Variants in CYP2C19 observed in about 807,000 individuals in gnomAD.
The protein encoded by CYP2C19 is cytochrome P450 family 2 subfamily C member 19, also known as cytochrome P450 2C19.
Under a neutral mutation model 40.9 loss-of-function variants are expected in CYP2C19, and 59 were observed. The observed-to-expected ratio is 1.44, with a 90% CI of 1.17 to 1.79. CYP2C19 has a LOEUF of 1.79. Among genes scored for constraint, CYP2C19 ranks in the 40% most tolerant of loss-of-function variants. The probability of loss-of-function intolerance (pLI) is 0.00; values close to 1 mark genes in which losing one functional copy is unlikely to be tolerated. For missense variants in CYP2C19, 754 were observed against 596.9 expected (o/e 1.26, Z -2.74); for synonymous variants, 253 against 208.7 (o/e 1.21, Z -1.83).
At chr10:94,835,642 G>A (rs572607531) in intron 6 of CYP2C19, among the ~76,000 whole-genome samples, 7 of 151,868 alleles carry the variant, frequency 4.6e-5, no homozygotes, top group Non-Finnish European at 8.8e-5. Context: ...TTAGGTTTCT[G>A]TACAGCCAAT....
intron 7 of CYP2C19, among the ~76,000 whole-genome samples, chr10:94,843,542 C>A (rs1413589651): frequency 6.6e-6 from 1 of 152,148 alleles, no homozygotes; most frequent in Non-Finnish European, 1.5e-5. Context: ...TATAAACTTA[C>A]AAAATGCCTT....
chr10:94,846,782 C>A (rs1377278547), intron 7 of CYP2C19, among the ~76,000 whole-genome samples: 1 of 151,320 alleles, frequency 6.6e-6, no homozygotes, highest in Non-Finnish European at 1.5e-5. Context: ...TGGTGTGCTG[C>A]ACCCATTAAC....
Position 94,855,298 on chromosome 10 carries a change from C to T in CYP2C19, c.*2384C>T, listed in dbSNP as rs888772371. On this transcript the variant is annotated 3_prime_UTR_variant, in exon 9 of 9. Transcript: ENST00000371321. ...ACAACCAAACAATTGCACTGATGAT[C>T]TGTTAAGCATCTTGTTCAAGGTCAC... Among the ~76,000 whole-genome samples the T allele has an allele frequency of 6.6e-6, 1 of 152,212 alleles. No homozygotes were observed. Among genetic ancestry groups the T allele is most frequent in the African/African-American group, 2.4e-5 (1 of 41,444 alleles).
chr10:94,843,123 A>G (rs1849521563), intron 7 of CYP2C19, 99 bp downstream of exon 7: 5 of 1,431,006 alleles, frequency 3.5e-6, no homozygotes, highest in Admixed American at 3.4e-5. Context: ...AGAGAAGTGC[A>G]TTACTCCTAT....
intron 6 of CYP2C19, among the ~76,000 whole-genome samples, chr10:94,827,950 C>T (rs1454734894): frequency 2.6e-5 from 4 of 151,816 alleles, no homozygotes; most frequent in Non-Finnish European, 2.9e-5. Flanking sequence ...GCAGGTTGTT[C>T]AGTTTCCATG....
At chr10:94,839,886 GTT>G (rs1849465654) in intron 6 of CYP2C19, among the ~76,000 whole-genome samples, 1 of 152,198 alleles carries the variant, frequency 6.6e-6, no homozygotes, top group South Asian at 2.1e-4. Flanking sequence ...AATCTGCTGG[GTT>G]AAGGGAATTA....
At chr10:94,833,252 C>G (rs906239100) in intron 6 of CYP2C19, among the ~76,000 whole-genome samples, 4 of 152,220 alleles carry the variant, frequency 2.6e-5, no homozygotes, top group Admixed American at 6.5e-5. Context: ...GCCTTTATAT[C>G]TTTCTCTTGC....
At chr10:94,796,719 T>C (rs1848693867) in intron 5 of CYP2C19, among the ~76,000 whole-genome samples, 1 of 152,188 alleles carries the variant, frequency 6.6e-6, no homozygotes, top group Non-Finnish European at 1.5e-5. Flanking sequence ...ACATCACTCC[T>C]AAGTTGGATT....
intron 5 of CYP2C19, among the ~76,000 whole-genome samples, chr10:94,815,319 T>C (rs1368754143): frequency 6.6e-6 from 1 of 152,226 alleles, no homozygotes; most frequent in Non-Finnish European, 1.5e-5. Context: ...ACACAATGTT[T>C]AACATGACAC....
chr10:94,845,416 C>A (rs1045669538), intron 7 of CYP2C19, among the ~76,000 whole-genome samples: 4 of 152,128 alleles, frequency 2.6e-5, no homozygotes, highest in African/African-American at 9.7e-5. Context: ...ACATACTATA[C>A]AAAAACAGGT....
In CYP2C19 at chr10:94,778,037, G is replaced by A. The variant is rs1848433703; in HGVS notation, c.482-2462G>A. 1.3e-5 allele frequency among the ~76,000 whole-genome samples: 2 copies of A among 152,160 alleles called. 1 individual carries two copies. On this transcript the variant is annotated intron_variant, in intron 3 of 8. Coordinates refer to ENST00000371321, the MANE Select transcript of CYP2C19 (RefSeq NM_000769.4). Reference sequence around the variant, plus strand: ...GGATGAAATGAGTACTCATATACAGGTATGAGGTGTAAGAGCAGCTAGGGG... The same window carrying A: ...GGATGAAATGAGTACTCATATACAGATATGAGGTGTAAGAGCAGCTAGGGG...
chr10:94,769,854 A>G (rs1033050474), intron 1 of CYP2C19, among the ~76,000 whole-genome samples: 9 of 152,072 alleles, frequency 5.9e-5, no homozygotes, highest in African/African-American at 1.4e-4. Context: ...GGGACAACAA[A>G]TGGGTAACTT....
chr10:94,809,969 C>T (rs1159940218), intron 5 of CYP2C19, among the ~76,000 whole-genome samples: 3 of 152,116 alleles, frequency 2.0e-5, no homozygotes, highest in Non-Finnish European at 4.4e-5. Flanking sequence ...GCAACTTCTG[C>T]CTTTCAGATT....
Position 94,842,968 on chromosome 10 carries a change from A to G in CYP2C19, c.1093A>G (p.Ser365Gly). 6.2e-7 allele frequency: 1 copy of G among 1,614,230 alleles called. No homozygotes were observed. The highest frequency in any genetic ancestry group is 1.1e-5 in the South Asian group (1 of 91,090). Reference protein sequence around the residue: ...VQRYIDLIPTSLPHAVTCDVK... With the variant: ...VQRYIDLIPTGLPHAVTCDVK... ...GAGATACATCGACCTCATCCCCACC[A>G]GCCTGCCCCATGCAGTGACCTGTGA... Residue 365 changes from serine to glycine, a missense_variant, in exon 7 of 9, where the codon AGC (serine) becomes GGC (glycine). Physicochemically the swap from Ser to Gly is moderately conservative, Grantham distance 56 (BLOSUM62 0). Transcript: ENST00000371321.
At chr10:94,773,511 G>A (rs926104889) in intron 1 of CYP2C19, among the ~76,000 whole-genome samples, 3 of 152,142 alleles carry the variant, frequency 2.0e-5, no homozygotes, top group African/African-American at 7.2e-5. Context: ...CTGACTTCAG[G>A]AGTGAAGCCA....
chr10:94,849,953 C>T lies in CYP2C19; in HGVS notation c.1186C>T (p.His396Tyr), dbSNP rs1564686367. The stretch of plus-strand genomic sequence containing the variant: ...ATTAACTTCCCTCACTTCTGTGCTA[C>T]ATGACAACAAAGAATTTCCCAACCC... ...TILTSLTSVL[H>Y]DNKEFPNPEM... is the part of the protein sequence containing the mutation. Residue 396 changes from histidine (H) to tyrosine (Y), a missense_variant, in exon 8 of 9, where the codon CAT (histidine) becomes TAT (tyrosine). Coordinates refer to ENST00000371321, the MANE Select transcript of CYP2C19 (RefSeq NM_000769.4). 1 of 1,613,764 alleles carries T rather than the reference C, an allele frequency of 6.2e-7. No homozygotes were observed. The highest frequency in any genetic ancestry group is 8.5e-7 in the Non-Finnish European group (1 of 1,179,766).
At position 94,847,070 on chromosome 10, in the gene CYP2C19, T is replaced by A. The variant is rs576796137; in HGVS notation, c.1150-2847T>A. ...AGAGACTTCAACTTTATTTTATTTA[T>A]TTATTTATTTATTTTTATTATTATA... On this transcript the variant is annotated intron_variant, in intron 7 of 8. Transcript: ENST00000371321. 3.3e-5 allele frequency among the ~76,000 whole-genome samples: 5 copies of A among 151,576 alleles called. No individual in the cohort carries two copies. The South Asian group carries it at 1.0e-3, about 31-fold the overall frequency.
chr10:94,825,569 A>T (rs2134272681), intron 6 of CYP2C19, among the ~76,000 whole-genome samples: 1 of 123,564 alleles, frequency 8.1e-6, no homozygotes, highest in Middle Eastern at 3.8e-3. Context: ...CCTTTGTCAG[A>T]TGAGTAGGTT....
chr10:94,814,457 GA>G, intron 5 of CYP2C19, among the ~76,000 whole-genome samples: 1 of 151,632 alleles, frequency 6.6e-6, no homozygotes, highest in Admixed American at 6.6e-5. Flanking sequence ...ATTTCATAGA[GA>G]AAGACTTTTA....
Sources: allele counts gnomAD v4.1 joint callset (sites outside exome capture counted in the v4.1 genomes callset), GRCh38; gene constraint gnomAD v4.1.1; transcripts MANE v1.5; gene names NCBI Gene and HGNC (gene_info 2026-07-23, HGNC 2026-07-21).